Variants in SUV39H2 observed in about 807,000 individuals in gnomAD.
The protein encoded by SUV39H2 is SUV39H2 histone lysine methyltransferase.
In SUV39H2, 10 loss-of-function variants were observed where a neutral mutation model predicts 47.5. The ratio of observed to expected loss-of-function variants is 0.21; its 90% CI spans 0.13 to 0.36. The LOEUF is 0.36. Among genes scored for constraint, SUV39H2 ranks in the 10% least tolerant of loss-of-function variants. SUV39H2 has a pLI of 1.00. For synonymous variants in SUV39H2, 159 were observed against 166.8 expected (o/e 0.95, Z 0.36); for missense variants, 266 against 487.4 (o/e 0.55, Z 4.28).
intron 1 of SUV39H2, 170 bp downstream of exon 1, chr10:14,879,089 C>A: frequency 7.8e-7 from 1 of 1,278,998 alleles, no homozygotes; most frequent in Non-Finnish European, 9.9e-7. Flanking sequence ...CCCCAGGCCG[C>A]TGACCCGCCT....
intron 2 of SUV39H2, among the ~76,000 whole-genome samples, chr10:14,883,724 A>T (rs1314455422): frequency 1.4e-5 from 2 of 144,224 alleles, no homozygotes; most frequent in Non-Finnish European, 3.0e-5. Flanking sequence ...AAAAAAAAAA[A>T]AAAAAAAATC....
intron 2 of SUV39H2, among the ~76,000 whole-genome samples, chr10:14,896,291 T>A (rs1833604086): frequency 6.6e-6 from 1 of 152,164 alleles, no homozygotes; most frequent in Admixed American, 6.5e-5. Flanking sequence ...TTGGCCACAT[T>A]TCAAGTTTTC....
intron 4 of SUV39H2, among the ~76,000 whole-genome samples, chr10:14,900,622 TA>T (rs1472604212): frequency 6.6e-6 from 1 of 152,250 alleles, no homozygotes; most frequent in Non-Finnish European, 1.5e-5. Flanking sequence ...TTTTCTTGCA[TA>T]TTCCGTAAGT....
At chr10:14,889,790 C>A (rs1833329349) in intron 2 of SUV39H2, among the ~76,000 whole-genome samples, 1 of 152,136 alleles carries the variant, frequency 6.6e-6, no homozygotes, top group South Asian at 2.1e-4. Context: ...ATTATGAATT[C>A]ATGTGAAGGG....
At chr10:14,883,822 C>G (rs1318825856) in intron 2 of SUV39H2, among the ~76,000 whole-genome samples, 2 of 152,010 alleles carry the variant, frequency 1.3e-5, no homozygotes, top group Non-Finnish European at 2.9e-5. Flanking sequence ...TAGCTACCAC[C>G]TGTTACCCCC....
At chr10:14,883,667 T>C (rs188446003) in intron 2 of SUV39H2, among the ~76,000 whole-genome samples, 68 of 128,228 alleles carry the variant, frequency 5.3e-4, no homozygotes, top group African/African-American at 1.8e-3. Context: ...ATCACCCCTC[T>C]GCACTCCAGC....
chr10:14,885,426 A>G (rs980423229), intron 2 of SUV39H2, among the ~76,000 whole-genome samples: 3 of 152,110 alleles, frequency 2.0e-5, no homozygotes, highest in South Asian at 4.2e-4. Context: ...TGTTATCTCT[A>G]TCTCTCTGTC....
At chr10:14,900,483 C>A (rs1051814134) in intron 4 of SUV39H2, among the ~76,000 whole-genome samples, 2 of 152,088 alleles carry the variant, frequency 1.3e-5, no homozygotes, top group African/African-American at 2.4e-5. Flanking sequence ...AGCTTCTGGG[C>A]CCTTGTTTGT....
intron 5 of SUV39H2, 60 bp downstream of exon 5, chr10:14,901,322 C>T: frequency 1.9e-6 from 3 of 1,600,834 alleles, no homozygotes; most frequent in Non-Finnish European, 2.6e-6. Context: ...TCAAATCAGA[C>T]TAGGAACAGA....
chr10:14,897,801 A>G (rs1833691553), intron 3 of SUV39H2: 1 of 210,936 alleles, frequency 4.7e-6, no homozygotes, highest in African/African-American at 2.3e-5. Context: ...TTAAAATATG[A>G]CAACTGTTTT....
intron 2 of SUV39H2, among the ~76,000 whole-genome samples, chr10:14,893,658 A>AAAG (rs1244822230): frequency 9.8e-5 from 15 of 152,398 alleles, no homozygotes; most frequent in African/African-American, 3.6e-4. Flanking sequence ...TTATAAAATA[A>AAAG]AAGTCAAGTC....
At chr10:14,894,895 G>T (rs973288207) in intron 2 of SUV39H2, among the ~76,000 whole-genome samples, 2 of 152,092 alleles carry the variant, frequency 1.3e-5, no homozygotes, top group Non-Finnish European at 2.9e-5. Context: ...TAAAACAACT[G>T]TCATGGACCT....
chr10:14,897,195 A>G lies in SUV39H2; in HGVS notation c.527A>G (p.Lys176Arg), dbSNP rs1295841567. The G allele has an allele frequency of 2.5e-6, 4 of 1,613,824 alleles. No homozygotes were observed. The highest frequency in any genetic ancestry group is 3.4e-6 in the Non-Finnish European group (4 of 1,180,020). ...GACTTCTATTACATTAACGAATACA[A>G]ACCAGCTCCTGGAATCAGCTTAGTC... ...PSDFYYINEY[K>R]PAPGISLVNE... is the part of the protein sequence containing the mutation. Residue 176 changes from lysine to arginine, a missense_variant, in exon 3 of 6, where the codon AAA becomes AGA. This residue lies in a region of SUV39H2 where 91 missense variants were observed against 110.9 expected (regional missense o/e 0.82). Coordinates refer to ENST00000354919, the MANE Select transcript of SUV39H2 (RefSeq NM_001193424.2).
chr10:14,893,152 C>T (rs920359664), intron 2 of SUV39H2, among the ~76,000 whole-genome samples: 3 of 151,280 alleles, frequency 2.0e-5, no homozygotes, highest in Admixed American at 6.6e-5. Context: ...TACAGGCGCC[C>T]GCCACCTCGC....
chr10:14,879,411 C>T (rs778302904), intron 1 of SUV39H2, among the ~76,000 whole-genome samples: 1 of 152,216 alleles, frequency 6.6e-6, no homozygotes, highest in Non-Finnish European at 1.5e-5. Context: ...ATCGGGGCGC[C>T]TGTGTGCTAA....
At chr10:14,894,223 C>CT (rs753387560) in intron 2 of SUV39H2, among the ~76,000 whole-genome samples, 1,772 of 132,774 alleles carry the variant, frequency 0.013, 36 homozygotes, top group African/African-American at 0.043. Context: ...TACATCTAGG[C>CT]TTTTTTTTTT....
intron 3 of SUV39H2, chr10:14,898,198 G>GTTTT (rs1833728015): frequency 3.1e-5 from 2 of 64,396 alleles, no homozygotes; most frequent in East Asian, 4.9e-4. Context: ...AGGTAGTACT[G>GTTTT]TTTCTTTTTT....
intron 3 of SUV39H2, chr10:14,897,889 A>T (rs907872414): frequency 6.4e-6 from 1 of 155,876 alleles, no homozygotes; most frequent in South Asian, 2.1e-4. Flanking sequence ...TACTTCATCT[A>T]TTTGACCAAA....
At chr10:14,893,246 G>A (rs1243385761) in intron 2 of SUV39H2, among the ~76,000 whole-genome samples, 7 of 150,932 alleles carry the variant, frequency 4.6e-5, no homozygotes, top group East Asian at 2.0e-4. Flanking sequence ...CTCGTGATCC[G>A]CCCGCCTCGG....
Sources: allele counts gnomAD v4.1 joint callset (sites outside exome capture counted in the v4.1 genomes callset), GRCh38; gene constraint gnomAD v4.1.1; regional missense constraint gnomAD v4.1.1; transcripts MANE v1.5; gene names NCBI Gene and HGNC (gene_info 2026-07-23, HGNC 2026-07-21).